The following AFF3 variants were observed in gnomAD, a reference collection of about 807,000 sequenced individuals.
AFF3 encodes the protein AF4/FMR2 family member 3.
A neutral mutation model predicts 129.7 loss-of-function variants in AFF3; 32 were observed. That is an observed-to-expected ratio of 0.25 (90% CI 0.19 to 0.33). The LOEUF is 0.33. Ranked by LOEUF, AFF3 falls within the 10% of genes least tolerant of loss-of-function variation. The pLI is 1.00. For missense variants in AFF3, 1,373 were observed against 1,592.0 expected, an observed-to-expected ratio of 0.86 and a Z score of 2.34; for synonymous variants, 644 against 635.4, an observed-to-expected ratio of 1.01 and a Z score of -0.20.
At chr2:99,670,755 C>T (rs921340102) in intron 12 of AFF3, among the ~76,000 whole-genome samples, 2 of 152,150 alleles carry the variant, frequency 1.3e-5, no homozygotes, top group Non-Finnish European at 2.9e-5. Flanking sequence ...CGCAAAACCA[C>T]TGTCTGGAGT....
intron 8 of AFF3, among the ~76,000 whole-genome samples, chr2:99,827,911 T>C (rs1032344787): frequency 1.1e-4 from 16 of 151,908 alleles, no homozygotes; most frequent in East Asian, 7.8e-4. Flanking sequence ...GGGGTGCTCA[T>C]TGGATGGCAT....
intron 7 of AFF3, among the ~76,000 whole-genome samples, chr2:99,920,650 C>T (rs986832496): frequency 6.6e-6 from 1 of 151,812 alleles, no homozygotes; most frequent in African/African-American, 2.4e-5. Context: ...CAAAAAAGTC[C>T]ACTCTCACTA....
intron 7 of AFF3, among the ~76,000 whole-genome samples, chr2:99,994,320 A>G (rs1301620138): frequency 6.6e-6 from 1 of 152,198 alleles, no homozygotes; most frequent in African/African-American, 2.4e-5. Context: ...AAAGCTCAAG[A>G]GAGGCTCCAA....
chr2:100,139,393 A>G (rs977195222), intron 1 of AFF3, among the ~76,000 whole-genome samples: 4 of 152,196 alleles, frequency 2.6e-5, no homozygotes, highest in African/African-American at 9.6e-5. Context: ...GTGCCATATG[A>G]TAGAGATTTA....
intron 22 of AFF3, among the ~76,000 whole-genome samples, chr2:99,557,279 C>CTTT (rs201716560): frequency 5.2e-5 from 7 of 133,680 alleles, no homozygotes; most frequent in African/African-American, 8.3e-5. Flanking sequence ...TTGTGTTTTC[C>CTTT]TTTTTTTTTT....
intron 11 of AFF3, among the ~76,000 whole-genome samples, chr2:99,723,802 G>T (rs1317053675): frequency 1.3e-5 from 2 of 152,122 alleles, no homozygotes; most frequent in African/African-American, 4.8e-5. Flanking sequence ...CTTTACAGAG[G>T]TAATCAAGTT....
intron 11 of AFF3, among the ~76,000 whole-genome samples, chr2:99,674,695 G>A (rs574724323): frequency 6.6e-6 from 1 of 152,256 alleles, no homozygotes; most frequent in East Asian, 1.9e-4. Context: ...GAGGCTGTGT[G>A]GCTGGGAAAT....
Position 99,882,256 on chromosome 2 carries a change from G to T in AFF3, c.874-44732C>A, listed in dbSNP as rs1311013891. Among the ~76,000 whole-genome samples the T allele has an allele frequency of 2.0e-5, 3 of 152,152 alleles. No individual in the cohort carries two copies. In the East Asian group the frequency reaches 5.8e-4, roughly 29 times the overall value. Reference sequence around the variant, plus strand: ...CTGTTGAGGTTTGCCTGATGTCCAGGGAACAGCCATTAATCTGCACAAGGG... The same window carrying T: ...CTGTTGAGGTTTGCCTGATGTCCAGTGAACAGCCATTAATCTGCACAAGGG... On this transcript the variant is annotated intron_variant, in intron 7 of 24. Coordinates refer to ENST00000672756, the MANE Select transcript of AFF3 (RefSeq NM_001386135.1).
chr2:99,811,352 A>C (rs1022752013), intron 8 of AFF3, among the ~76,000 whole-genome samples: 1 of 152,216 alleles, frequency 6.6e-6, no homozygotes. Flanking sequence ...CTACTTTGCA[A>C]GACAAGTAAG....
At chr2:99,588,666 C>T (rs528345758) in intron 15 of AFF3, among the ~76,000 whole-genome samples, 72 of 152,262 alleles carry the variant, frequency 4.7e-4, no homozygotes, top group Non-Finnish European at 8.8e-4. Flanking sequence ...TGCCACACAG[C>T]CTCTGCCACA....
At chr2:99,721,513 G>T (rs1420844884) in intron 11 of AFF3, among the ~76,000 whole-genome samples, 3 of 143,976 alleles carry the variant, frequency 2.1e-5, no homozygotes, top group African/African-American at 5.2e-5. Context: ...TGGGGACAGA[G>T]TGAGACTCTG....
chr2:99,637,223 C>T (rs1267118882), intron 13 of AFF3, among the ~76,000 whole-genome samples: 2 of 152,206 alleles, frequency 1.3e-5, no homozygotes, highest in African/African-American at 4.8e-5. Context: ...GACTTTAACT[C>T]CCATGAAAAG....
At chr2:100,069,004 T>C (rs963946546) in intron 4 of AFF3, among the ~76,000 whole-genome samples, 2 of 152,194 alleles carry the variant, frequency 1.3e-5, no homozygotes, top group South Asian at 4.1e-4. Flanking sequence ...AGGTCTGTTA[T>C]ACAGTAAACT....
At chr2:99,703,056 C>T (rs2104796934) in intron 11 of AFF3, among the ~76,000 whole-genome samples, 1 of 152,268 alleles carries the variant, frequency 6.6e-6, no homozygotes, top group South Asian at 2.1e-4. Context: ...AGAAATTACA[C>T]AAATTTGGTA....
At chr2:99,866,106 T>G (rs974780755) in intron 7 of AFF3, among the ~76,000 whole-genome samples, 10 of 152,178 alleles carry the variant, frequency 6.6e-5, no homozygotes, top group African/African-American at 2.4e-4. Context: ...AAGTTGAAAT[T>G]TCAGTCTTAG....
At chr2:100,028,955 T>G (rs959083636) in intron 4 of AFF3, among the ~76,000 whole-genome samples, 1 of 150,736 alleles carries the variant, frequency 6.6e-6, no homozygotes, top group Admixed American at 6.6e-5. Flanking sequence ...CTTGGAGAGA[T>G]ATCTACACCC....
intron 17 of AFF3, among the ~76,000 whole-genome samples, chr2:99,582,137 G>A (rs1201551996): frequency 6.6e-6 from 1 of 152,200 alleles, no homozygotes. Context: ...TTACAGGCAT[G>A]AGCCACCACG....
In AFF3 at chr2:99,713,702, AT is replaced by A. The variant is rs568894995; in HGVS notation, c.1091+13374del. On this transcript the variant is annotated intron_variant, in intron 11 of 24. Coordinates refer to ENST00000672756, the MANE Select transcript of AFF3 (RefSeq NM_001386135.1). Reference sequence around the variant, plus strand: ...GGAGACAGGGGAATATAGACTCCCTATTTTTTTTTTTTCTAGAGAGAGTCTT... The same window carrying A: ...GGAGACAGGGGAATATAGACTCCCTATTTTTTTTTTTCTAGAGAGAGTCTT... Among the ~76,000 whole-genome samples the A allele has an allele frequency of 5.5e-3, 792 of 144,092 alleles. 7 individuals carry two copies. Among genetic ancestry groups the A allele is most frequent in the African/African-American group, 0.018 (705 of 39,612 alleles). The allele number at this position is 144,092 out of a possible 152,430, so 94.5% of individuals were successfully genotyped here.
At chr2:100,006,459 T>C in intron 7 of AFF3, 173 bp downstream of exon 7, 2 of 762,202 alleles carry the variant, frequency 2.6e-6, no homozygotes, top group Non-Finnish European at 3.9e-6. Context: ...AATTTGAGAT[T>C]TTAAGAAATC....
Sources: allele counts gnomAD v4.1 joint callset (sites outside exome capture counted in the v4.1 genomes callset), GRCh38; gene constraint gnomAD v4.1.1; transcripts MANE v1.5; gene names NCBI Gene and HGNC (gene_info 2026-07-23, HGNC 2026-07-21).